The following PCDH15 variants were observed in gnomAD, a reference collection of about 807,000 sequenced individuals.
PCDH15 encodes protocadherin related 15.
A neutral mutation model predicts 178.5 loss-of-function variants in PCDH15; 129 were observed. That is an observed-to-expected ratio of 0.72 (90% confidence interval 0.63 to 0.84). The LOEUF (loss-of-function observed/expected upper bound fraction) is 0.84, where lower values mean the gene tolerates loss of function less well. Among genes scored for constraint, PCDH15 ranks in the 40% least tolerant of loss-of-function variants. PCDH15 has a pLI of 0.00. For synonymous variants in PCDH15, 800 were observed against 732.0 expected, an observed-to-expected ratio of 1.09 and a Z score of -1.50; for missense variants, 2,230 against 2,099.9, an observed-to-expected ratio of 1.06 and a Z score of -1.21.
intron 37 of PCDH15, chr10:53,808,134 C>A (rs2075724668): frequency 6.6e-6 from 1 of 152,030 alleles, no homozygotes; most frequent in South Asian, 2.1e-4. Flanking sequence ...AATGTTATTT[C>A]ATTGAATTCC....
intron 2 of PCDH15, among the ~76,000 whole-genome samples, chr10:55,568,284 T>C (rs1842342481): frequency 6.6e-6 from 1 of 151,990 alleles, no homozygotes; most frequent in Non-Finnish European, 1.5e-5. Flanking sequence ...GAGGGCGTTA[T>C]ATCAAGTAAA....
At chr10:53,978,922 T>C (rs1036467149) in intron 21 of PCDH15, among the ~76,000 whole-genome samples, 4 of 152,138 alleles carry the variant, frequency 2.6e-5, no homozygotes, top group African/African-American at 9.7e-5. Context: ...TTATTGTCCA[T>C]ATCACTTTCA....
intron 2 of PCDH15, among the ~76,000 whole-genome samples, chr10:54,643,958 A>C (rs1431566169): frequency 1.8e-3 from 114 of 63,074 alleles, no homozygotes; most frequent in East Asian, 2.1e-3. Context: ...CCTAATGCTA[A>C]CCCTCCCCCC....
intron 3 of PCDH15, among the ~76,000 whole-genome samples, chr10:54,435,028 T>C (rs1231636489): frequency 6.8e-6 from 1 of 148,080 alleles, no homozygotes; most frequent in Non-Finnish European, 1.5e-5. Context: ...TATGTATTTA[T>C]TTACTTCTCT....
chr10:54,395,561 C>T (rs188000329), intron 3 of PCDH15, among the ~76,000 whole-genome samples: 41 of 151,718 alleles, frequency 2.7e-4, no homozygotes, highest in East Asian at 9.7e-4. Flanking sequence ...AATTATAATA[C>T]GCAAAAAATG....
At chr10:54,351,036 T>C (rs936235423) in intron 5 of PCDH15, among the ~76,000 whole-genome samples, 1 of 151,784 alleles carries the variant, frequency 6.6e-6, no homozygotes, top group Non-Finnish European at 1.5e-5. Flanking sequence ...CCCAGGAGAC[T>C]GAGGTTGCAG....
At chr10:55,195,495 A>G (rs1194671705) in intron 1 of PCDH15, among the ~76,000 whole-genome samples, 1 of 150,456 alleles carries the variant, frequency 6.6e-6, no homozygotes, top group African/African-American at 2.5e-5. Context: ...ACAAAAAAAA[A>G]AAAAAAAAAA....
chr10:54,483,962 C>G (rs557167471), intron 3 of PCDH15, among the ~76,000 whole-genome samples: 1 of 151,950 alleles, frequency 6.6e-6, no homozygotes, highest in African/African-American at 2.4e-5. Context: ...TTTTTAATAC[C>G]TATGCTATTC....
chr10:54,508,302 C>T (rs1229532552), intron 3 of PCDH15, among the ~76,000 whole-genome samples: 1 of 151,888 alleles, frequency 6.6e-6, no homozygotes, highest in East Asian at 1.9e-4. Flanking sequence ...GGCATTGCAG[C>T]ATGGTTAAGG....
At chr10:54,004,546 T>C (rs1213404876) in intron 20 of PCDH15, among the ~76,000 whole-genome samples, 1 of 151,850 alleles carries the variant, frequency 6.6e-6, no homozygotes, top group Non-Finnish European at 1.5e-5. Flanking sequence ...ATCAATAAAG[T>C]AATCCCATGT....
chr10:54,292,743 A>T (rs2133053936), intron 8 of PCDH15, among the ~76,000 whole-genome samples: 1 of 152,296 alleles, frequency 6.6e-6, no homozygotes, highest in Non-Finnish European at 1.5e-5. Flanking sequence ...TAAAATACCT[A>T]GGAATCCAAC....
chr10:55,232,320 A>G (rs1841250091), intron 1 of PCDH15, among the ~76,000 whole-genome samples: 1 of 152,116 alleles, frequency 6.6e-6, no homozygotes, highest in African/African-American at 2.4e-5. Context: ...GTGGATTAAC[A>G]TTTAAAAAGT....
chr10:55,300,452 C>T (rs1449130727), intron 1 of PCDH15, among the ~76,000 whole-genome samples: 1 of 152,074 alleles, frequency 6.6e-6, no homozygotes, highest in Non-Finnish European at 1.5e-5. Flanking sequence ...CTGAAAATCC[C>T]GCATCATTTT....
intron 35 of PCDH15, among the ~76,000 whole-genome samples, chr10:53,813,533 C>G (rs749410341): frequency 1.3e-5 from 2 of 152,132 alleles, no homozygotes; most frequent in Non-Finnish European, 2.9e-5. Context: ...CTTGGTAAAA[C>G]TTTTTAGAAT....
intron 28 of PCDH15, among the ~76,000 whole-genome samples, chr10:53,848,604 G>T (rs867338890): frequency 6.6e-6 from 1 of 151,762 alleles, no homozygotes; most frequent in African/African-American, 2.4e-5. Context: ...TTTTATAAGT[G>T]AATTTCACTT....
At chr10:53,981,494 G>C (rs890501828) in intron 21 of PCDH15, among the ~76,000 whole-genome samples, 2 of 152,080 alleles carry the variant, frequency 1.3e-5, no homozygotes, top group Non-Finnish European at 2.9e-5. Flanking sequence ...GAACAGAAAA[G>C]AGCCTTCAGA....
At chr10:53,905,059 T>G (rs978354088) in intron 25 of PCDH15, 2 of 431,926 alleles carry the variant, frequency 4.6e-6, no homozygotes, top group African/African-American at 4.0e-5. Context: ...AACCCTAACT[T>G]CATATCTGGA....
rs1373653415 is a variant in PCDH15, at chr10:53,807,127, C to A, written c.4675G>T (p.Ala1559Ser). 3.2e-6 allele frequency: 5 copies of A among 1,586,730 alleles called. No individual in the cohort carries two copies. Among genetic ancestry groups the A allele is most frequent in the South Asian group, 1.2e-5 (1 of 86,880 alleles). The change falls in exon 38 of 38, where the codon GCA becomes TCA. Residue 1559 changes from alanine (A) to serine (S), a missense_variant. Ala to Ser is a moderately conservative substitution (Grantham distance 99, BLOSUM62 1). Coordinates refer to ENST00000644397, the MANE Select transcript of PCDH15 (RefSeq NM_001384140.1). ...ACTAACTTGATCATTCTTTTTCTTG[C>A]CCACTGATAAAATAAACAAAAATAT... Reference protein sequence around the residue: ...AEEEYEEEEWARKRMIKLVVD... With the variant: ...AEEEYEEEEWSRKRMIKLVVD...
chr10:55,118,384 G>A (rs1837679107), intron 2 of PCDH15, among the ~76,000 whole-genome samples: 1 of 152,080 alleles, frequency 6.6e-6, no homozygotes. Context: ...GCATCATGAG[G>A]GCGTACCATT....
Sources: gnomAD v4.1 joint callset for allele counts (sites outside exome capture counted in the v4.1 genomes callset) on GRCh38, gnomAD v4.1.1 for gene constraint, MANE v1.5 for transcripts, NCBI Gene and HGNC (gene_info 2026-07-23, HGNC 2026-07-21) for gene names.